PCDHA9: variants seen among roughly 807,000 people sequenced by gnomAD.
The protein encoded by PCDHA9 is protocadherin alpha 9.
PCDHA9 carries 62 observed loss-of-function variants against 62.0 expected under a neutral mutation model. The observed-to-expected ratio is 1.00, with a 90% CI of 0.81 to 1.23. PCDHA9 has a LOEUF of 1.23. PCDHA9 is among the 50% of genes most tolerant of loss of function. The pLI is 0.00. For synonymous variants in PCDHA9, 557 were observed against 567.6 expected (o/e 0.98, Z 0.27); for missense variants, 1,205 against 1,249.8 (o/e 0.96, Z 0.54).
intron 1 of PCDHA9, chr5:140,858,161 G>A (rs1409243603): frequency 1.3e-6 from 2 of 1,597,720 alleles, no homozygotes; most frequent in African/African-American, 2.7e-5. Context: ...CATCTGCGCG[G>A]TGTCCAGCTT....
intron 1 of PCDHA9, among the ~76,000 whole-genome samples, chr5:140,915,582 G>A (rs991142864): frequency 2.6e-5 from 4 of 152,056 alleles, no homozygotes; most frequent in South Asian, 4.1e-4. Flanking sequence ...CCAGGCAAAA[G>A]CACTTGTTCT....
chr5:140,987,078 G>T (rs1158243032), intron 3 of PCDHA9, among the ~76,000 whole-genome samples: 4 of 152,026 alleles, frequency 2.6e-5, no homozygotes, highest in Non-Finnish European at 5.9e-5. Context: ...GCTGGGCGTG[G>T]TGGCAGGTGC....
At chr5:140,927,157 G>T (rs868936673) in intron 1 of PCDHA9, 1 of 1,614,146 alleles carries the variant, frequency 6.2e-7, no homozygotes, top group Admixed American at 1.7e-5. Flanking sequence ...GCTGTGCAGG[G>T]CCAAAGCTGC....
At chr5:140,866,264 G>C (rs908649642) in intron 1 of PCDHA9, 1 of 152,052 alleles carries the variant, frequency 6.6e-6, no homozygotes, top group Admixed American at 6.5e-5. Flanking sequence ...TTTCTTTACT[G>C]TGAATAAAGA....
chr5:140,970,193 G>C (rs1243334467), intron 1 of PCDHA9, among the ~76,000 whole-genome samples: 2 of 152,166 alleles, frequency 1.3e-5, no homozygotes, highest in African/African-American at 4.8e-5. Context: ...ATTGTAAGAG[G>C]ATTTCCCTGA....
intron 3 of PCDHA9, among the ~76,000 whole-genome samples, chr5:141,009,288 C>G (rs373954362): frequency 6.6e-6 from 1 of 152,068 alleles, no homozygotes; most frequent in African/African-American, 2.4e-5. Flanking sequence ...GATCCCATTT[C>G]TATAAAATTT....
chr5:140,919,239 C>G (rs2079049864), intron 1 of PCDHA9, among the ~76,000 whole-genome samples: 1 of 152,188 alleles, frequency 6.6e-6, no homozygotes, highest in Non-Finnish European at 1.5e-5. Context: ...CACTTTTTGT[C>G]TTGTCTGTTT....
Position 140,850,829 on chromosome 5 carries a change from T to C in PCDHA9, c.2334T>C (p.Pro778=), listed in dbSNP as rs1431549655. The C allele has an allele frequency of 3.8e-6, 6 of 1,597,986 alleles. No individual in the cohort carries two copies. Among genetic ancestry groups the C allele is most frequent in the Non-Finnish European group, 4.3e-6 (5 of 1,167,546 alleles). The change falls in exon 1 of 4, where the codon CCT becomes CCC. Residue 778 remains proline (P), a synonymous_variant. Coordinates refer to ENST00000532602, the MANE Select transcript of PCDHA9 (RefSeq NM_031857.2). ...DLMAFSPGLS[P]CAGSTERTGE... ...TGGCCTTCAGCCCGGGCCTTTCTCC[T>C]TGTGCTGGATCTACAGAGCGAACGG... is the stretch of plus-strand genomic sequence containing the variant.
At chr5:140,894,296 C>T (rs1434101692) in intron 1 of PCDHA9, among the ~76,000 whole-genome samples, 4 of 151,798 alleles carry the variant, frequency 2.6e-5, no homozygotes, top group African/African-American at 4.8e-5. Flanking sequence ...AGTTTATTTT[C>T]CTGGAAAGTT....
At chr5:140,967,768 T>C in intron 1 of PCDHA9, 4 of 1,614,182 alleles carry the variant, frequency 2.5e-6, no homozygotes, top group African/African-American at 1.3e-5. Flanking sequence ...ACCAGATCTA[T>C]GTGCAGGCGA....
At chr5:140,956,474 C>G (rs1585669580) in intron 1 of PCDHA9, among the ~76,000 whole-genome samples, 1 of 152,160 alleles carries the variant, frequency 6.6e-6, no homozygotes, top group East Asian at 1.9e-4. Flanking sequence ...ATATGTTGAA[C>G]CAGTCTTGCA....
chr5:140,901,100 C>G (rs1172808892), intron 1 of PCDHA9, among the ~76,000 whole-genome samples: 1 of 152,002 alleles, frequency 6.6e-6, no homozygotes, highest in East Asian at 1.9e-4. Flanking sequence ...CTTCTACATT[C>G]TGGTTATTCA....
In PCDHA9 at chr5:140,991,838, G is replaced by A. The variant is rs1056330823; in HGVS notation, c.2542+9275G>A. 3.3e-5 allele frequency among the ~76,000 whole-genome samples: 5 copies of A among 152,110 alleles called. No homozygotes were observed. In the East Asian group the frequency reaches 9.6e-4, roughly 29 times the overall value. ...TTTAGGCATTTATAACGGCAGAACC[G>A]CACTTCCAGATACCAAAATCTGTAT... On this transcript the variant is annotated intron_variant, in intron 3 of 3. Transcript: ENST00000532602.
intron 1 of PCDHA9, chr5:140,863,447 G>A: frequency 1.7e-6 from 1 of 575,684 alleles, no homozygotes; most frequent in Non-Finnish European, 3.3e-6. Flanking sequence ...CTTACTCGCA[G>A]CAAAGGAGAT....
At chr5:141,007,280 T>G (rs946303708) in intron 3 of PCDHA9, among the ~76,000 whole-genome samples, 1 of 151,106 alleles carries the variant, frequency 6.6e-6, no homozygotes, top group East Asian at 1.9e-4. Flanking sequence ...CTGGGTGCAG[T>G]GGGCTCATGC....
chr5:140,857,812 C>T lies in PCDHA9; in HGVS notation c.2394+6923C>T. ...TGCTGCGGTCGGTGGTTGCGGGTCACGTGGTGGCTAAGGTGCGCGCAGTGG... is the reference window on the plus strand; with the variant it reads ...TGCTGCGGTCGGTGGTTGCGGGTCATGTGGTGGCTAAGGTGCGCGCAGTGG... On this transcript the variant is annotated intron_variant, in intron 1 of 3. Transcript: ENST00000532602. 3.1e-6 allele frequency: 5 copies of T among 1,597,698 alleles called. 1 individual carries two copies. The highest frequency in any genetic ancestry group is 2.2e-5 in the East Asian group (1 of 44,814).
intron 1 of PCDHA9, among the ~76,000 whole-genome samples, chr5:140,924,530 C>T (rs1263885513): frequency 6.6e-6 from 1 of 152,002 alleles, no homozygotes; most frequent in Non-Finnish European, 1.5e-5. Context: ...AGAGAATGCC[C>T]GAGCTACCCC....
intron 1 of PCDHA9, chr5:140,869,509 A>C (rs199564677): frequency 6.2e-7 from 1 of 1,614,206 alleles, no homozygotes; most frequent in Non-Finnish European, 8.5e-7. Flanking sequence ...GTTCTCGCTC[A>C]GAGAACAAAA....
intron 1 of PCDHA9, among the ~76,000 whole-genome samples, chr5:140,932,536 T>G (rs1176427449): frequency 1.3e-5 from 2 of 151,940 alleles, no homozygotes. Flanking sequence ...TTCAAGGTGC[T>G]TTATTTAACA....
Sources: allele counts gnomAD v4.1 joint callset (sites outside exome capture counted in the v4.1 genomes callset), GRCh38; gene constraint gnomAD v4.1.1; transcripts MANE v1.5; gene names NCBI Gene and HGNC (gene_info 2026-07-23, HGNC 2026-07-21).